The following NRXN2 variants were observed in gnomAD, a reference collection of about 807,000 sequenced individuals.
The protein encoded by NRXN2 is neurexin 2.
Under a neutral mutation model 128.8 loss-of-function variants are expected in NRXN2, and 29 were observed. The ratio of observed to expected loss-of-function variants is 0.23; its 90% CI spans 0.17 to 0.31. The LOEUF (loss-of-function observed/expected upper bound fraction) is 0.31. Ranked by LOEUF, NRXN2 falls within the 10% of genes least tolerant of loss-of-function variation. The pLI, the probability that NRXN2 is intolerant of heterozygous loss-of-function variation, is 1.00. For synonymous variants in NRXN2, 1,098 were observed against 1,075.2 expected, an observed-to-expected ratio of 1.02 and a Z score of -0.41; for missense variants, 1,881 against 2,452.6, an observed-to-expected ratio of 0.77 and a Z score of 4.92.
rs2056602834 is a variant in NRXN2 at position 64,708,857 on chromosome 11, T to C, written c.730+4113A>G. On this transcript the variant is annotated intron_variant, in intron 2 of 22. Transcript: ENST00000265459. ...TACTCACACTAAACAGATATAAAAA[T>C]AATAACTGGAAGGGGTACTGTGAAT... Among the ~76,000 whole-genome samples, 3 of 152,036 alleles carry C rather than the reference T, an allele frequency of 2.0e-5. No homozygotes were observed. The South Asian group carries it at 6.2e-4, about 31-fold the overall frequency.
At chr11:64,625,821 C>A (rs2042996232) in intron 20 of NRXN2, among the ~76,000 whole-genome samples, 1 of 152,184 alleles carries the variant, frequency 6.6e-6, no homozygotes. Context: ...TATGGGCCCA[C>A]CACCTCCTGC....
At chr11:64,666,398 C>T (rs2049868045) in intron 9 of NRXN2, among the ~76,000 whole-genome samples, 2 of 151,508 alleles carry the variant, frequency 1.3e-5, no homozygotes, top group Non-Finnish European at 2.9e-5. Context: ...GACTGGGTTT[C>T]ACCATGTTGG....
At position 64,680,033 on chromosome 11, in the gene NRXN2, G is replaced by A. The variant is rs142847697; in HGVS notation, c.1153-2996C>T. The stretch of plus-strand genomic sequence containing the variant: ...GAGCTCCTGGAGCCTGGGAGCACAA[G>A]CATGACAACACATGATGAATGAGAA... On this transcript the variant is annotated intron_variant, in intron 6 of 22. Transcript: ENST00000265459. Among the ~76,000 whole-genome samples, 429 of 152,296 alleles carry A rather than the reference G, an allele frequency of 2.8e-3. 2 individuals carry two copies. The highest frequency in any genetic ancestry group is 9.4e-3 in the African/African-American group (389 of 41,546).
chr11:64,710,843 T>G (rs1252617292), intron 2 of NRXN2, among the ~76,000 whole-genome samples: 1 of 152,028 alleles, frequency 6.6e-6, no homozygotes, highest in African/African-American at 2.4e-5. Context: ...ACAGACCCAT[T>G]CACACGTCAA....
chr11:64,630,561 C>T lies in NRXN2; in HGVS notation c.3598G>A (p.Val1200Met), dbSNP rs780057301. 2 of 1,613,962 alleles carry T rather than the reference C, an allele frequency of 1.2e-6. No homozygotes were observed. Among genetic ancestry groups the T allele is most frequent in the Non-Finnish European group, 1.7e-6 (2 of 1,180,018 alleles). ...YLQLHIDQGTVGVIFNVGTDD... is the reference protein window; with the variant it reads ...YLQLHIDQGTMGVIFNVGTDD... The stretch of plus-strand genomic sequence containing the variant: ...GTGCCCACGTTAAAGATCACCCCCA[C>T]GGTGCCCTGGTCCTGGGGACATGGA... The change falls in exon 19 of 23, where the codon GTG becomes ATG. Residue 1200 changes from valine (V) to methionine (M), a missense_variant. Val to Met is a conservative substitution (Grantham distance 21). Transcript: ENST00000265459. The surrounding 1 kb of genome is among the most constrained non-coding windows in gnomAD (Gnocchi z 4.6).
chr11:64,709,166 T>C (rs1413643536), intron 2 of NRXN2, among the ~76,000 whole-genome samples: 3 of 132,076 alleles, frequency 2.3e-5, no homozygotes, highest in African/African-American at 8.8e-5. Flanking sequence ...CACTCCAGCC[T>C]AGGCACAGAG....
rs2135247127 is a variant in NRXN2 at position 64,607,158 on chromosome 11, A to G, written c.*38T>C. 1 of 1,598,658 alleles carries G rather than the reference A, an allele frequency of 6.3e-7. No homozygotes were observed. The highest frequency in any genetic ancestry group is 1.1e-5 in the South Asian group (1 of 90,212). ...TGGCACCCTCCTCCCGGGCCCTCCC[A>G]GGAGGGGCAGCTGGCAGTGGGGCGC... On this transcript the variant is annotated 3_prime_UTR_variant, in exon 23 of 23. Coordinates refer to ENST00000265459, the MANE Select transcript of NRXN2 (RefSeq NM_015080.4).
Position 64,622,877 on chromosome 11 carries a change from G to T in NRXN2, c.4049C>A (p.Ala1350Glu). The change falls in exon 21 of 23, where the codon GCG becomes GAG. Residue 1350 changes from alanine to glutamate, a missense_variant. By Grantham distance (107) the Ala-to-Glu change is moderately radical. This residue lies in a region of NRXN2 where 108 missense variants were observed against 165.2 expected (regional missense o/e 0.65). Coordinates refer to ENST00000265459, the MANE Select transcript of NRXN2 (RefSeq NM_015080.4). The surrounding 1 kb of genome is among the most constrained non-coding windows in gnomAD (Gnocchi z 4.3). ...CAGCAGGGTGGTGGCCGTGGTCTCCGCACTGAGCAGCACGGACGGCCCCTC... is the reference window on the plus strand; with the variant it reads ...CAGCAGGGTGGTGGCCGTGGTCTCCTCACTGAGCAGCACGGACGGCCCCTC... The part of the protein sequence containing the change: ...VGEGPSVLLS[A>E]ETTATTLLAD... 5.0e-6 allele frequency: 8 copies of T among 1,612,640 alleles called. No homozygotes were observed. The highest frequency in any genetic ancestry group is 6.8e-6 in the Non-Finnish European group (8 of 1,179,812).
At chr11:64,637,524 AC>A in intron 17 of NRXN2, 1 of 152,422 alleles carries the variant, frequency 6.6e-6, no homozygotes, top group African/African-American at 2.4e-5. Flanking sequence ...CAACTGTAAT[AC>A]CCAGGGTCCT....
At chr11:64,688,888 G>T in intron 5 of NRXN2, 1 of 831,250 alleles carries the variant, frequency 1.2e-6, no homozygotes, top group Non-Finnish European at 1.5e-6. Flanking sequence ...CTACTCTCGA[G>T]CTCTACAGCT....
chr11:64,626,090 A>T (rs1364206349), intron 20 of NRXN2, among the ~76,000 whole-genome samples: 1 of 151,990 alleles, frequency 6.6e-6, no homozygotes, highest in African/African-American at 2.4e-5. Context: ...AGCCTCCGAG[A>T]TGATTCTGGG....
At position 64,626,533 on chromosome 11, in the gene NRXN2, G is replaced by T; in HGVS notation, c.3777C>A (p.Arg1259=). ...RYPAGNFDNE[R]LAIARQRIPY... ...GGATTCTCTGTCTAGCAATCGCCAGGCGCTCGTTATCAAAGTTTCCTTGGA... is the reference window on the plus strand; with the variant it reads ...GGATTCTCTGTCTAGCAATCGCCAGTCGCTCGTTATCAAAGTTTCCTTGGA... Residue 1259 remains arginine, a synonymous_variant, in exon 20 of 23, where the codon CGC becomes CGA. Transcript: ENST00000265459. 1 of 1,614,056 alleles carries T rather than the reference G, an allele frequency of 6.2e-7. No individual in the cohort carries two copies. The highest frequency in any genetic ancestry group is 8.5e-7 in the Non-Finnish European group (1 of 1,179,950).
intron 7 of NRXN2, among the ~76,000 whole-genome samples, chr11:64,671,226 G>A (rs558474282): frequency 6.6e-6 from 1 of 152,238 alleles, no homozygotes; most frequent in South Asian, 2.1e-4. Flanking sequence ...AGTGCCCTGA[G>A]GAAAGGGATC....
intron 11 of NRXN2, chr11:64,656,250 C>A (rs1258669773): frequency 6.6e-6 from 1 of 152,226 alleles, no homozygotes; most frequent in Non-Finnish European, 1.5e-5. Context: ...ACTGATCAGC[C>A]TCAGGTGGAA....
rs2043080940 is a variant in NRXN2 at position 64,626,462 on chromosome 11, C to T, written c.3847+1G>A. 6.2e-7 allele frequency: 1 copy of T among 1,605,100 alleles called. No individual in the cohort carries two copies. The highest frequency in any genetic ancestry group is 8.5e-7 in the Non-Finnish European group (1 of 1,171,818). On this transcript the variant is annotated splice_donor_variant, in intron 20 of 22. Transcript: ENST00000265459. LOFTEE classifies it high-confidence loss of function. ...TTAATTAATTAATTCTGGTTAATTA[C>T]CTTTGTCGAGCAGCCACTCATCTAC...
intron 7 of NRXN2, among the ~76,000 whole-genome samples, chr11:64,670,309 T>A (rs572881676): frequency 5.9e-5 from 9 of 151,980 alleles, no homozygotes; most frequent in African/African-American, 1.9e-4. Context: ...TATTTCTTCT[T>A]CCCTCCACCC....
At chr11:64,646,004 A>G (rs2046599584) in intron 17 of NRXN2, among the ~76,000 whole-genome samples, 1 of 152,160 alleles carries the variant, frequency 6.6e-6, no homozygotes, top group Non-Finnish European at 1.5e-5. Flanking sequence ...ATAGAAACAG[A>G]GCATGAAAAA....
At position 64,650,624 on chromosome 11, in the gene NRXN2, A is replaced by C; in HGVS notation, c.2933T>G (p.Val978Gly). Residue 978 changes from valine (V) to glycine (G), a missense_variant, in exon 15 of 23, where the codon GTG (valine) becomes GGG (glycine). This residue lies in a region of NRXN2 where 390 missense variants were observed against 599.6 expected (regional missense o/e 0.65). Coordinates refer to ENST00000265459, the MANE Select transcript of NRXN2 (RefSeq NM_015080.4). ...IELVKGYIHYVFDLGNGPSLM... is the reference protein window; with the variant it reads ...IELVKGYIHYGFDLGNGPSLM... ...GGACGGGCCATTCCCCAGGTCAAAC[A>C]CGTAGTGGATGTACCTGCCCCACAG... 6.2e-7 allele frequency: 1 copy of C among 1,614,144 alleles called. No individual in the cohort carries two copies. The highest frequency in any genetic ancestry group is 8.5e-7 in the Non-Finnish European group (1 of 1,180,008).
At chr11:64,641,280 TGA>T (rs1253473742) in intron 17 of NRXN2, among the ~76,000 whole-genome samples, 1 of 150,092 alleles carries the variant, frequency 6.7e-6, no homozygotes, top group Non-Finnish European at 1.5e-5. Flanking sequence ...AAATGGGAGG[TGA>T]GAGAGGTACA....
Sources: gnomAD v4.1 joint callset for allele counts (sites outside exome capture counted in the v4.1 genomes callset) on GRCh38, gnomAD v4.1.1 for gene constraint, gnomAD v4.1.1 regional missense constraint, Gnocchi (gnomAD v3.1) non-coding constraint, MANE v1.5 for transcripts, NCBI Gene and HGNC (gene_info 2026-07-23, HGNC 2026-07-21) for gene names.